Variants in MED27 observed in about 807,000 individuals in gnomAD.
MED27 encodes mediator complex subunit 27.
Under a neutral mutation model 38.2 loss-of-function variants are expected in MED27, and 30 were observed. The ratio of observed to expected loss-of-function variants is 0.79; its 90% confidence interval spans 0.59 to 1.07. MED27 has a LOEUF of 1.07. Ranked by LOEUF, MED27 falls within the 50% of genes least tolerant of loss-of-function variation. The pLI is 0.00. For missense variants in MED27, 289 were observed against 397.5 expected, an observed-to-expected ratio of 0.73 and a Z score of 2.32; for synonymous variants, 122 against 153.5, an observed-to-expected ratio of 0.79 and a Z score of 1.52.
At chr9:132,056,787 C>G (rs1833587741) in intron 2 of MED27, among the ~76,000 whole-genome samples, 1 of 152,138 alleles carries the variant, frequency 6.6e-6, no homozygotes, top group Non-Finnish European at 1.5e-5. Context: ...AACTGTACAC[C>G]CCAACTCCAT....
chr9:132,043,075 G>A (rs1039075844), intron 2 of MED27, among the ~76,000 whole-genome samples: 3 of 152,032 alleles, frequency 2.0e-5, no homozygotes, highest in Admixed American at 2.0e-4. Flanking sequence ...AAATTTAAAT[G>A]ACTCTTCAGA....
At chr9:132,078,666 G>C (rs1165170592) in intron 1 of MED27, among the ~76,000 whole-genome samples, 1 of 152,034 alleles carries the variant, frequency 6.6e-6, no homozygotes, top group South Asian at 2.1e-4. Context: ...TTACTAAGGA[G>C]ACCAAGTTGA....
chr9:132,078,857 CCTA>C (rs1834112648), intron 1 of MED27, among the ~76,000 whole-genome samples: 1 of 152,140 alleles, frequency 6.6e-6, no homozygotes, highest in Admixed American at 6.5e-5. Context: ...TCAAGAAGTG[CCTA>C]CTATGTGCCA....
intron 3 of MED27, among the ~76,000 whole-genome samples, chr9:131,959,804 A>G (rs181672731): frequency 1.3e-5 from 2 of 152,320 alleles, no homozygotes; most frequent in South Asian, 2.1e-4. Context: ...AGTGAAATCT[A>G]TCAGTATATA....
intron 3 of MED27, among the ~76,000 whole-genome samples, chr9:131,966,069 A>G (rs954483829): frequency 6.7e-6 from 1 of 149,488 alleles, no homozygotes; most frequent in African/African-American, 2.5e-5. Flanking sequence ...CTAAGAATAA[A>G]GACTGCATTT....
chr9:131,893,876 A>G lies in MED27; in HGVS notation c.681+9T>C. 2 of 1,604,340 alleles carry G rather than the reference A, an allele frequency of 1.2e-6. No homozygotes were observed. Among genetic ancestry groups the G allele is most frequent in the South Asian group, 1.1e-5 (1 of 90,866 alleles). ...AACCAAGGAACACACAAGACTGCAC[A>G]ATGCTTACCTTGCCATCTTCTGTGT... On this transcript the variant is annotated intron_variant, in intron 5 of 7. Transcript: ENST00000292035.
intron 3 of MED27, among the ~76,000 whole-genome samples, chr9:131,986,533 T>G (rs1460265027): frequency 6.6e-6 from 1 of 152,170 alleles, no homozygotes; most frequent in Non-Finnish European, 1.5e-5. Flanking sequence ...TTACTATGCT[T>G]AGGTATGTTT....
At chr9:131,868,748 G>T in intron 6 of MED27, 1 of 985,492 alleles carries the variant, frequency 1.0e-6, no homozygotes, top group Non-Finnish European at 1.2e-6. Context: ...GCAGATAAAG[G>T]TGCAGGCCCA....
At chr9:131,952,900 T>C (rs1831027449) in intron 3 of MED27, among the ~76,000 whole-genome samples, 1 of 152,178 alleles carries the variant, frequency 6.6e-6, no homozygotes, top group African/African-American at 2.4e-5. Flanking sequence ...TTTATTAAAG[T>C]CTCCTCAATC....
At chr9:131,928,570 C>T (rs540031997) in intron 4 of MED27, among the ~76,000 whole-genome samples, 3 of 152,272 alleles carry the variant, frequency 2.0e-5, no homozygotes, top group South Asian at 2.1e-4. Context: ...GAGAGCACAG[C>T]GACTGGGGGA....
At chr9:131,878,002 C>A (rs147066766) in intron 6 of MED27, among the ~76,000 whole-genome samples, 2 of 152,050 alleles carry the variant, frequency 1.3e-5, no homozygotes, top group Non-Finnish European at 2.9e-5. Flanking sequence ...AGGCCGGGCG[C>A]GGTGGCTCAT....
intron 3 of MED27, among the ~76,000 whole-genome samples, chr9:131,991,823 G>A (rs1402516799): frequency 5.3e-5 from 8 of 152,114 alleles, no homozygotes; most frequent in Admixed American, 3.9e-4. Context: ...CCAGGTTCAA[G>A]CGATTCTCCT....
In MED27 at chr9:131,908,286, C is replaced by T. The variant is rs868510555; in HGVS notation, c.574-14294G>A. Among the ~76,000 whole-genome samples the T allele has an allele frequency of 2.9e-4, 44 of 151,352 alleles. 1 individual carries two copies. The South Asian group carries it at 3.4e-3, about 12-fold the overall frequency. ...CAGCCCCCCGCCCGGCCAGCCGCCC[C>T]GTCCGGGAGGTGAGGGGCGCCTCTG... On this transcript the variant is annotated intron_variant, in intron 4 of 7. Coordinates refer to ENST00000292035, the MANE Select transcript of MED27 (RefSeq NM_004269.4).
intron 4 of MED27, among the ~76,000 whole-genome samples, chr9:131,894,620 T>A (rs551132579): frequency 3.6e-5 from 5 of 139,920 alleles, no homozygotes; most frequent in African/African-American, 1.3e-4. Context: ...ATATTATACA[T>A]TAAAAAAAAA....
chr9:131,875,744 G>T (rs1309163123), intron 6 of MED27, among the ~76,000 whole-genome samples: 1 of 152,204 alleles, frequency 6.6e-6, no homozygotes, highest in Non-Finnish European at 1.5e-5. Flanking sequence ...CTCCTGAGTA[G>T]CTGGGACCAC....
intron 3 of MED27, among the ~76,000 whole-genome samples, chr9:132,001,644 T>C (rs1027338953): frequency 6.6e-6 from 1 of 152,204 alleles, no homozygotes; most frequent in Non-Finnish European, 1.5e-5. Context: ...TGATACCAGA[T>C]ACATTCCAGA....
At chr9:131,963,690 C>G (rs1032345534) in intron 3 of MED27, among the ~76,000 whole-genome samples, 1 of 152,094 alleles carries the variant, frequency 6.6e-6, no homozygotes, top group Non-Finnish European at 1.5e-5. Context: ...TTATTCCTAA[C>G]GAGAAAACAA....
rs976881370 is a variant in MED27 at position 131,862,039 on chromosome 9, A to G, written c.801+1024T>C. On this transcript the variant is annotated intron_variant, in intron 7 of 7. Coordinates refer to ENST00000292035, the MANE Select transcript of MED27 (RefSeq NM_004269.4). This position sits in a 1 kb window ranked among gnomAD's most constrained non-coding sequence, Gnocchi z 4.6. The stretch of plus-strand genomic sequence containing the variant: ...ATTGGAGCTCTTGCTGAAGATGGTC[A>G]GGGGAACTGTTCCCTGGACACACAG... Among the ~76,000 whole-genome samples the G allele has an allele frequency of 2.6e-5, 4 of 152,210 alleles. No individual in the cohort carries two copies. Among genetic ancestry groups the G allele is most frequent in the African/African-American group, 9.6e-5 (4 of 41,458 alleles).
Position 131,986,250 on chromosome 9 carries a change from C to CTCACTGACT in MED27, c.479+28086_479+28087insAGTCAGTGA, listed in dbSNP as rs1381654609. On this transcript the variant is annotated intron_variant, in intron 3 of 7. Coordinates refer to ENST00000292035, the MANE Select transcript of MED27 (RefSeq NM_004269.4). ...GTAATGCCCTACACCTTCACATTCA[C>CTCACTGACT]TCACCATGGCTCACTGACTCACCCA... Among the ~76,000 whole-genome samples the CTCACTGACT allele has an allele frequency of 2.5e-4, 38 of 152,234 alleles. 1 individual carries two copies. The highest frequency in any genetic ancestry group is 8.7e-4 in the African/African-American group (36 of 41,462).
Sources: gnomAD v4.1 joint callset for allele counts (sites outside exome capture counted in the v4.1 genomes callset) on GRCh38, gnomAD v4.1.1 for gene constraint, Gnocchi (gnomAD v3.1) non-coding constraint, MANE v1.5 for transcripts, NCBI Gene and HGNC (gene_info 2026-07-23, HGNC 2026-07-21) for gene names.